THOC1: variants seen among roughly 807,000 people sequenced by gnomAD.
THOC1 encodes THO complex 1.
A neutral mutation model predicts 97.3 loss-of-function variants in THOC1; 29 were observed. The observed-to-expected ratio is 0.30, with a 90% CI of 0.22 to 0.41. THOC1 has a LOEUF of 0.41. Among genes scored for constraint, THOC1 ranks in the 10% least tolerant of loss-of-function variants. The probability of loss-of-function intolerance (pLI) is 1.00; values close to 1 mark genes in which losing one functional copy is unlikely to be tolerated. For synonymous variants in THOC1, 255 were observed against 257.0 expected (o/e 0.99, Z 0.07); for missense variants, 529 against 761.9 (o/e 0.69, Z 3.60).
intron 17 of THOC1, among the ~76,000 whole-genome samples, chr18:223,038 A>C (rs1372361778): frequency 6.6e-6 from 1 of 152,016 alleles, no homozygotes; most frequent in Non-Finnish European, 1.5e-5. Context: ...CTTAATCATT[A>C]ATTAACCCAT....
At chr18:236,107 G>A (rs1370828362) in intron 11 of THOC1, among the ~76,000 whole-genome samples, 1 of 151,954 alleles carries the variant, frequency 6.6e-6, no homozygotes. Context: ...TGTTATTTAT[G>A]TAGCTTTCTT....
intron 20 of THOC1, among the ~76,000 whole-genome samples, chr18:215,126 C>T (rs556518842): frequency 4.6e-5 from 7 of 152,250 alleles, no homozygotes; most frequent in East Asian, 3.9e-4. Flanking sequence ...CCTATAATTA[C>T]GTAGGCTTTC....
At chr18:266,081 G>A (rs940714112) in intron 1 of THOC1, among the ~76,000 whole-genome samples, 2 of 152,180 alleles carry the variant, frequency 1.3e-5, no homozygotes, top group Non-Finnish European at 2.9e-5. Context: ...CCTCCTGGAG[G>A]TATCTTGTTC....
In THOC1 at chr18:264,096, C is replaced by A; in HGVS notation, c.190-4G>T. On this transcript the variant is annotated splice_polypyrimidine_tract_variant and splice_region_variant and intron_variant, in intron 3 of 20. Coordinates refer to ENST00000261600, the MANE Select transcript of THOC1 (RefSeq NM_005131.3). Reference sequence around the variant, plus strand: ...TTTCACATGATGAATGATTTATCTACCAACAGAGGAGAAACAATTTAATTT... The same window carrying A: ...TTTCACATGATGAATGATTTATCTAACAACAGAGGAGAAACAATTTAATTT... The A allele has an allele frequency of 6.2e-7, 1 of 1,606,084 alleles. No homozygotes were observed. Among genetic ancestry groups the A allele is most frequent in the Middle Eastern group, 1.7e-4 (1 of 6,040 alleles).
At chr18:226,069 A>T (rs1911274696) in intron 12 of THOC1, 1 of 152,284 alleles carries the variant, frequency 6.6e-6, no homozygotes, top group Non-Finnish European at 1.5e-5. Context: ...CTACTATGCT[A>T]TACCAAACCT....
chr18:223,130 C>A (rs1911149256), intron 17 of THOC1, among the ~76,000 whole-genome samples: 1 of 152,134 alleles, frequency 6.6e-6, no homozygotes, highest in African/African-American at 2.4e-5. Flanking sequence ...ACTATTAAAA[C>A]CCAAGTTCCC....
chr18:240,954 A>C (rs1368421731), intron 11 of THOC1, among the ~76,000 whole-genome samples: 2 of 152,174 alleles, frequency 1.3e-5, no homozygotes, highest in South Asian at 4.1e-4. Flanking sequence ...TAGATCCCTC[A>C]TGATCAGTTT....
At chr18:218,146 T>C (rs1910958181) in intron 18 of THOC1, among the ~76,000 whole-genome samples, 1 of 152,010 alleles carries the variant, frequency 6.6e-6, no homozygotes, top group African/African-American at 2.4e-5. Context: ...CCCTGTAGGG[T>C]TCAAAGTGCA....
At chr18:230,173 A>G (rs980067192) in intron 11 of THOC1, among the ~76,000 whole-genome samples, 1 of 152,094 alleles carries the variant, frequency 6.6e-6, no homozygotes, top group African/African-American at 2.4e-5. Flanking sequence ...AGGCTCCAAC[A>G]TCCATTTGCC....
intron 4 of THOC1, 45 bp from the exon 5 acceptor site, chr18:260,349 G>C (rs756347803): frequency 2.1e-5 from 25 of 1,174,436 alleles, no homozygotes; most frequent in Non-Finnish European, 2.5e-5. Flanking sequence ...AAAAACTGTA[G>C]AGTAGAATAG....
chr18:221,975 G>C (rs1332347191), intron 17 of THOC1, among the ~76,000 whole-genome samples: 1 of 152,028 alleles, frequency 6.6e-6, no homozygotes, highest in Non-Finnish European at 1.5e-5. Flanking sequence ...ATTTATATTT[G>C]AATTTAACCA....
chr18:233,229 C>T (rs1911553408), intron 11 of THOC1, among the ~76,000 whole-genome samples: 1 of 152,196 alleles, frequency 6.6e-6, no homozygotes, highest in Non-Finnish European at 1.5e-5. Flanking sequence ...CTAGAATTGA[C>T]TGTACTGAGG....
At position 254,203 on chromosome 18, in the gene THOC1, T is replaced by G. The variant is rs1321849460; in HGVS notation, c.603+70A>C. On this transcript the variant is annotated intron_variant, in intron 8 of 20. Coordinates refer to ENST00000261600, the MANE Select transcript of THOC1 (RefSeq NM_005131.3). This position sits in a 1 kb window ranked among gnomAD's most constrained non-coding sequence, Gnocchi z 4.1. ...CTAGGATTACAAGTGTGAGCCACTG[T>G]GCCTGGACCCACTATCTTAATAACA... The G allele has an allele frequency of 1.8e-6, 2 of 1,090,088 alleles. No homozygotes were observed. The highest frequency in any genetic ancestry group is 2.7e-6 in the Non-Finnish European group (2 of 729,128). The allele number at this position is 1,090,088 out of a possible 1,614,324, so 67.5% of individuals were successfully genotyped here.
chr18:249,612 A>C (rs928545760), intron 9 of THOC1, among the ~76,000 whole-genome samples: 4 of 151,908 alleles, frequency 2.6e-5, no homozygotes, highest in African/African-American at 9.7e-5. Flanking sequence ...CAGTGAGCCG[A>C]GATCACAGCA....
chr18:233,045 A>G (rs2143199395), intron 11 of THOC1, among the ~76,000 whole-genome samples: 1 of 152,228 alleles, frequency 6.6e-6, no homozygotes, highest in South Asian at 2.1e-4. Context: ...AGACTTTTAC[A>G]TCTTAATATT....
intron 2 of THOC1, 24 bp downstream of exon 2, chr18:265,433 T>C: frequency 6.3e-7 from 1 of 1,587,376 alleles, no homozygotes; most frequent in South Asian, 1.2e-5. Flanking sequence ...AGGCAAGTAT[T>C]TTTCATAGAT....
intron 19 of THOC1, 188 bp downstream of exon 19, chr18:216,298 C>T: frequency 1.5e-6 from 1 of 663,826 alleles, no homozygotes; most frequent in Non-Finnish European, 2.5e-6. Context: ...TTATCAGTTA[C>T]TTCTTTATCA....
rs776017441 is a variant in THOC1, at chr18:224,084, T to C, written c.1304A>G (p.Asn435Ser). 2 of 1,595,688 alleles carry C rather than the reference T, an allele frequency of 1.3e-6. No individual in the cohort carries two copies. Among genetic ancestry groups the C allele is most frequent in the South Asian group, 1.1e-5 (1 of 88,876 alleles). The change falls in exon 16 of 21, where the codon AAT becomes AGT. Residue 435 changes from asparagine (N) to serine (S), a missense_variant and splice_region_variant. Asn to Ser is a conservative substitution (Grantham distance 46). Around this residue, in one of 8 missense-constraint regions of THOC1, gnomAD observed 123 missense variants for 159.0 expected, o/e 0.77. Transcript: ENST00000261600. ...CCCACATGAAGACAAATTCACCTAC[T>C]TTCCCATCAGAATTTTTTTGGTGGG... Reference protein sequence around the residue: ...KGPTKKILMGNEELTRLWNLC... With the variant: ...KGPTKKILMGSEELTRLWNLC...
rs1185105678 is a variant in THOC1 at position 252,587 on chromosome 18, A to G, written c.629T>C (p.Met210Thr). 6.2e-7 allele frequency: 1 copy of G among 1,608,000 alleles called. No homozygotes were observed. The highest frequency in any genetic ancestry group is 8.5e-7 in the Non-Finnish European group (1 of 1,178,214). ...QKHTEDREEG[M>T]DVEEGEMGDE... is the part of the protein sequence containing the mutation. Reference sequence around the variant, plus strand: ...TCCCATTTCGCCTTCTTCTACATCCATTCCTTCTTCTCTATCTTCAGTGTG... The same window carrying G: ...TCCCATTTCGCCTTCTTCTACATCCGTTCCTTCTTCTCTATCTTCAGTGTG... Residue 210 changes from methionine to threonine, a missense_variant, in exon 9 of 21, where the codon ATG (methionine) becomes ACG (threonine). Transcript: ENST00000261600.
Sources: allele counts gnomAD v4.1 joint callset (sites outside exome capture counted in the v4.1 genomes callset), GRCh38; gene constraint gnomAD v4.1.1; regional missense constraint gnomAD v4.1.1; non-coding constraint Gnocchi (gnomAD v3.1); transcripts MANE v1.5; gene names NCBI Gene and HGNC (gene_info 2026-07-23, HGNC 2026-07-21).